The following PRPSAP1 variants were observed in gnomAD, a reference collection of about 807,000 sequenced individuals.
The protein encoded by PRPSAP1 is phosphoribosyl pyrophosphate synthetase associated protein 1, also known as phosphoribosyl pyrophosphate synthase-associated protein 1.
Under a neutral mutation model 39.4 loss-of-function variants are expected in PRPSAP1, and 31 were observed. The ratio of observed to expected loss-of-function variants is 0.79; its 90% CI spans 0.59 to 1.06. PRPSAP1 has a LOEUF of 1.06. Among genes scored for constraint, PRPSAP1 ranks in the 50% least tolerant of loss-of-function variants. The probability of loss-of-function intolerance (pLI) is 0.00; values close to 1 mark genes in which losing one functional copy is unlikely to be tolerated. For synonymous variants in PRPSAP1, 212 were observed against 192.6 expected, an observed-to-expected ratio of 1.10 and a Z score of -0.83; for missense variants, 430 against 511.6, an observed-to-expected ratio of 0.84 and a Z score of 1.54.
In PRPSAP1 at chr17:76,353,659, C is replaced by A. The variant is rs533391952; in HGVS notation, c.45G>T (p.Ser15=). 2.0e-6 allele frequency: 3 copies of A among 1,528,160 alleles called. No homozygotes were observed. The highest frequency in any genetic ancestry group is 2.6e-5 in the East Asian group (1 of 38,420). 94.7% of individuals were successfully genotyped at this position (1,528,160 alleles called of 1,614,324 possible). A position where few individuals can be genotyped will look rare whatever the true frequency, so the allele number is the denominator to read the frequency against. ...GGCGGGCGCGCGGGACGCGGAAAGC[C>A]GAGGACGCGGAGGGCGGGGGCAACA... The part of the protein sequence containing the change: ...LLLLPPPSAS[S]AFRVPRARPV... The change falls in exon 1 of 10, where the codon TCG becomes TCT. Residue 15 remains serine, a synonymous_variant. Coordinates refer to ENST00000446526, the MANE Select transcript of PRPSAP1 (RefSeq NM_002766.3).
At position 76,344,825 on chromosome 17, in the gene PRPSAP1, C is replaced by T. The variant is rs1253291585; in HGVS notation, c.224-88G>A. The T allele has an allele frequency of 6.0e-5, 57 of 950,012 alleles. No individual in the cohort carries two copies. In the South Asian group the frequency reaches 7.2e-4, roughly 12 times the overall value. 58.8% of individuals were successfully genotyped at this position (950,012 alleles called of 1,614,324 possible). ...AAAAACAAAAGTACTTCATGCCGGGCGCGGTGGCACATGCCTGTAATCCTA... is the reference window on the plus strand; with the variant it reads ...AAAAACAAAAGTACTTCATGCCGGGTGCGGTGGCACATGCCTGTAATCCTA... On this transcript the variant is annotated intron_variant, in intron 2 of 9. Transcript: ENST00000446526.
chr17:76,331,112 CAA>C (rs1224548597), intron 4 of PRPSAP1, among the ~76,000 whole-genome samples: 1 of 152,090 alleles, frequency 6.6e-6, no homozygotes, highest in East Asian at 1.9e-4. Context: ...TCATATAACA[CAA>C]AGATATTGAA....
At chr17:76,353,930 C>G (rs1000388458), upstream of PRPSAP1, 4 of 1,321,904 alleles carry the variant, frequency 3.0e-6, no homozygotes, top group African/African-American at 4.6e-5. Flanking sequence ...GCCACCGCCC[C>G]CTCCGGGCAT....
chr17:76,321,298 T>A (rs969552948), intron 7 of PRPSAP1, among the ~76,000 whole-genome samples: 3 of 151,982 alleles, frequency 2.0e-5, no homozygotes, highest in Admixed American at 6.6e-5. Flanking sequence ...GGCTCACACA[T>A]GTAATCCCAG....
At position 76,353,862 on chromosome 17, in the gene PRPSAP1, A is replaced by C; in HGVS notation, c.-159T>G. ...TGCCCTTGCGCACCCCACACCACTGACTACAGCGGCCGAGCCTTCGCAGCG... is the reference window on the plus strand; with the variant it reads ...TGCCCTTGCGCACCCCACACCACTGCCTACAGCGGCCGAGCCTTCGCAGCG... On this transcript the variant is annotated 5_prime_UTR_variant, in exon 1 of 10. Transcript: ENST00000446526. 5.3e-6 allele frequency: 7 copies of C among 1,333,012 alleles called. No homozygotes were observed. The highest frequency in any genetic ancestry group is 6.7e-6 in the Non-Finnish European group (7 of 1,047,198). The allele number at this position is 1,333,012 out of a possible 1,614,324, so 82.6% of individuals were successfully genotyped here.
At chr17:76,312,362 G>A (rs983559257) in intron 9 of PRPSAP1, among the ~76,000 whole-genome samples, 12 of 151,892 alleles carry the variant, frequency 7.9e-5, no homozygotes, top group African/African-American at 2.7e-4. Flanking sequence ...GTTTGAACCC[G>A]GGAGGCAGAG....
At chr17:76,338,903 C>T (rs1358677999) in intron 3 of PRPSAP1, among the ~76,000 whole-genome samples, 1 of 151,470 alleles carries the variant, frequency 6.6e-6, no homozygotes, top group African/African-American at 2.4e-5. Context: ...CATGGTGGTA[C>T]ATGCCAGTAA....
chr17:76,313,239 G>C, intron 8 of PRPSAP1: 1 of 440,190 alleles, frequency 2.3e-6, no homozygotes, highest in Non-Finnish European at 4.0e-6. Flanking sequence ...AAGCACCTGT[G>C]ACATTACGGC....
At chr17:76,339,669 A>G (rs976897639) in intron 3 of PRPSAP1, among the ~76,000 whole-genome samples, 5 of 151,630 alleles carry the variant, frequency 3.3e-5, no homozygotes, top group African/African-American at 1.2e-4. Context: ...CATCTTCAGG[A>G]GAGGGTTCTG....
intron 3 of PRPSAP1, among the ~76,000 whole-genome samples, chr17:76,334,231 A>G (rs1454881327): frequency 2.0e-5 from 3 of 152,154 alleles, no homozygotes; most frequent in Non-Finnish European, 4.4e-5. Context: ...TCCCCACGTC[A>G]TCAGTTCCTA....
At chr17:76,313,750 C>T in intron 8 of PRPSAP1, 71 bp downstream of exon 8, 6 of 1,504,800 alleles carry the variant, frequency 4.0e-6, no homozygotes, top group Non-Finnish European at 5.5e-6. Context: ...GAAATACAGT[C>T]CCAGAGTGGA....
chr17:76,343,257 G>A (rs1032897462), intron 3 of PRPSAP1, among the ~76,000 whole-genome samples: 1 of 152,228 alleles, frequency 6.6e-6, no homozygotes, highest in South Asian at 2.1e-4. Flanking sequence ...TGAGAAAGGA[G>A]ATAGTCCCAT....
chr17:76,348,528 C>G lies in PRPSAP1; in HGVS notation c.223+1G>C, dbSNP rs767831188. 1 of 1,445,512 alleles carries G rather than the reference C, an allele frequency of 6.9e-7. No homozygotes were observed. Among genetic ancestry groups the G allele is most frequent in the Non-Finnish European group, 9.1e-7 (1 of 1,100,410 alleles). The allele number at this position is 1,445,512 out of a possible 1,614,324, so 89.5% of individuals were successfully genotyped here. On this transcript the variant is annotated splice_donor_variant, in intron 2 of 9. Coordinates refer to ENST00000446526, the MANE Select transcript of PRPSAP1 (RefSeq NM_002766.3). LOFTEE classifies it high-confidence loss of function. ...AAAAAAAAGAAATAATTTTAACTTA[C>G]CTCCATTGGTCTCTTGATATACAAC...
At chr17:76,333,705 CAT>C (rs1394482768) in intron 3 of PRPSAP1, among the ~76,000 whole-genome samples, 3 of 151,850 alleles carry the variant, frequency 2.0e-5, no homozygotes, top group African/African-American at 7.3e-5. Flanking sequence ...CTTTCCCTGA[CAT>C]ATAAATTCCT....
intron 7 of PRPSAP1, 131 bp from the exon 8 acceptor site, chr17:76,314,022 T>C: frequency 1.1e-6 from 1 of 889,082 alleles, no homozygotes; most frequent in Non-Finnish European, 1.8e-6. Flanking sequence ...CCATGCAAAT[T>C]CCCCCTCAAT....
intron 4 of PRPSAP1, among the ~76,000 whole-genome samples, chr17:76,331,284 T>C (rs1226017850): frequency 6.6e-6 from 1 of 152,200 alleles, no homozygotes; most frequent in East Asian, 1.9e-4. Context: ...TTCCAGGGTG[T>C]AGAACCAGTA....
rs539666338 is a variant in PRPSAP1, at chr17:76,353,868, G to A, written c.-165C>T. 18 of 1,328,590 alleles carry A rather than the reference G, an allele frequency of 1.4e-5. No individual in the cohort carries two copies. The highest frequency in any genetic ancestry group is 2.8e-4 in the Middle Eastern group (1 of 3,550). The allele number at this position is 1,328,590 out of a possible 1,614,324, so 82.3% of individuals were successfully genotyped here. On this transcript the variant is annotated 5_prime_UTR_variant, in exon 1 of 10. Transcript: ENST00000446526. ...TGCGCACCCCACACCACTGACTACA[G>A]CGGCCGAGCCTTCGCAGCGCCCGGC... is the stretch of plus-strand genomic sequence containing the variant.
intron 2 of PRPSAP1, among the ~76,000 whole-genome samples, chr17:76,347,709 G>C (rs895752462): frequency 1.3e-5 from 2 of 152,056 alleles, no homozygotes; most frequent in Middle Eastern, 3.2e-3. Flanking sequence ...GCTGGCTACT[G>C]TGTGAAGAAA....
At chr17:76,337,655 G>C (rs1216732664) in intron 3 of PRPSAP1, among the ~76,000 whole-genome samples, 1 of 152,162 alleles carries the variant, frequency 6.6e-6, no homozygotes, top group Non-Finnish European at 1.5e-5. Flanking sequence ...TGGAAGGCGA[G>C]AGTGCAGTAG....
Sources: allele counts gnomAD v4.1 joint callset (sites outside exome capture counted in the v4.1 genomes callset), GRCh38; gene constraint gnomAD v4.1.1; transcripts MANE v1.5; gene names NCBI Gene and HGNC (gene_info 2026-07-23, HGNC 2026-07-21).